MTMR2: variants seen among roughly 807,000 people sequenced by gnomAD.
The protein encoded by MTMR2 is myotubularin related protein 2.
Under a neutral mutation model 86.9 loss-of-function variants are expected in MTMR2, and 55 were observed. The observed-to-expected ratio is 0.63, with a 90% CI of 0.51 to 0.79. The LOEUF (loss-of-function observed/expected upper bound fraction) is 0.79, where lower values mean the gene tolerates loss of function less well. Among genes scored for constraint, MTMR2 ranks in the 30% least tolerant of loss-of-function variants. The pLI, the probability that MTMR2 is intolerant of heterozygous loss-of-function variation, is 0.00. For synonymous variants in MTMR2, 241 were observed against 266.8 expected (o/e 0.90, Z 0.94); for missense variants, 659 against 772.3 (o/e 0.85, Z 1.74).
chr11:95,836,433 G>A, intron 13 of MTMR2, 109 bp from the exon 14 acceptor site: 1 of 1,094,858 alleles, frequency 9.1e-7, no homozygotes, highest in Non-Finnish European at 1.4e-6. Context: ...TTTAGAGGAA[G>A]TGGACTTGGA....
At chr11:95,919,316 G>C (rs868543623) in intron 1 of MTMR2, among the ~76,000 whole-genome samples, 5 of 152,088 alleles carry the variant, frequency 3.3e-5, no homozygotes, top group Non-Finnish European at 5.9e-5. Context: ...TTTAAGGCAG[G>C]CATGCAATTT....
Position 95,841,637 on chromosome 11 carries a change from C to T in MTMR2, c.1459G>A (p.Val487Ile). 6.2e-7 allele frequency: 1 copy of T among 1,612,814 alleles called. No homozygotes were observed. The highest frequency in any genetic ancestry group is 8.5e-7 in the Non-Finnish European group (1 of 1,178,922). The part of the protein sequence containing the change: ...SPVFLQFIDC[V>I]WQMTRQFPTA... ...ATTACCTGTCTTGTCATCTGCCAGA[C>T]ACAGTCAATAAATTGAAGAAAAACA... Residue 487 changes from valine (V) to isoleucine (I), a missense_variant, in exon 12 of 15, where the codon GTC becomes ATC. Coordinates refer to ENST00000346299, the MANE Select transcript of MTMR2 (RefSeq NM_016156.6).
chr11:95,861,160 A>AG (rs1864405524), intron 5 of MTMR2, among the ~76,000 whole-genome samples: 2 of 151,648 alleles, frequency 1.3e-5, no homozygotes, highest in African/African-American at 4.8e-5. Flanking sequence ...AAAAAAAAAA[A>AG]AAAAGAAAAA....
chr11:95,848,305 C>A (rs1404377163), intron 9 of MTMR2, among the ~76,000 whole-genome samples: 1 of 152,152 alleles, frequency 6.6e-6, no homozygotes, highest in Non-Finnish European at 1.5e-5. Context: ...GTCTGGTTCA[C>A]CTATGCTTCT....
chr11:95,838,663 G>C, intron 12 of MTMR2, among the ~76,000 whole-genome samples: 1 of 151,950 alleles, frequency 6.6e-6, no homozygotes, highest in East Asian at 1.9e-4. Context: ...TAAATATTTA[G>C]ATGGTGCAAA....
At chr11:95,904,618 C>A (rs1227512713) in intron 1 of MTMR2, among the ~76,000 whole-genome samples, 1 of 152,184 alleles carries the variant, frequency 6.6e-6, no homozygotes, top group Non-Finnish European at 1.5e-5. Flanking sequence ...GTCCTTACTG[C>A]TACACTCCCT....
intron 2 of MTMR2, among the ~76,000 whole-genome samples, chr11:95,868,588 GA>G (rs941401658): frequency 1.5e-4 from 22 of 147,496 alleles, no homozygotes; most frequent in East Asian, 7.9e-4. Context: ...TTTTCTAAAG[GA>G]AAAAAAAAAT....
At chr11:95,914,101 G>T (rs1478145214) in intron 1 of MTMR2, 3 of 745,630 alleles carry the variant, frequency 4.0e-6, no homozygotes, top group Non-Finnish European at 3.3e-6. Flanking sequence ...TAAGGACAGG[G>T]ACTTGGAAAT....
At chr11:95,853,061 A>G (rs1864082378) in intron 7 of MTMR2, among the ~76,000 whole-genome samples, 1 of 146,896 alleles carries the variant, frequency 6.8e-6, no homozygotes, top group Non-Finnish European at 1.5e-5. Context: ...ATATATATAC[A>G]CAGTTCACTG....
At chr11:95,857,126 G>T (rs1418672581) in intron 7 of MTMR2, among the ~76,000 whole-genome samples, 4 of 151,866 alleles carry the variant, frequency 2.6e-5, no homozygotes, top group African/African-American at 9.7e-5. Context: ...CAATAAATTA[G>T]AAATGTTATA....
intron 2 of MTMR2, among the ~76,000 whole-genome samples, chr11:95,868,273 T>TAAAAAAAAAAAAAAAAA (rs555618890): frequency 7.1e-5 from 3 of 42,214 alleles, no homozygotes; most frequent in African/African-American, 1.9e-4. Context: ...GACCCTGTGC[T>TAAAAAAAAAAAAAAAAA]AAAAAAAAAA....
chr11:95,844,851 T>G (rs1418899744), intron 11 of MTMR2, 102 bp downstream of exon 11: 11 of 1,071,116 alleles, frequency 1.0e-5, no homozygotes, highest in Non-Finnish European at 1.1e-5. Flanking sequence ...ACTAGATAAA[T>G]GATCAATTTC....
chr11:95,844,306 A>T (rs180786718), intron 11 of MTMR2, among the ~76,000 whole-genome samples: 102 of 152,308 alleles, frequency 6.7e-4, no homozygotes, highest in Admixed American at 9.2e-4. Flanking sequence ...TAACAGTTCA[A>T]GTTCAAAAGA....
chr11:95,863,592 A>G lies in MTMR2; in HGVS notation c.263-1226T>C, dbSNP rs79365256. ...CCTTATGAATTTTTACCTCAACTAG[A>G]AAAGCTTTATTCAAGGTTACTAAAA... On this transcript the variant is annotated intron_variant, in intron 3 of 14. Coordinates refer to ENST00000346299, the MANE Select transcript of MTMR2 (RefSeq NM_016156.6). Among the ~76,000 whole-genome samples, 288 of 152,264 alleles carry G rather than the reference A, an allele frequency of 1.9e-3. 1 individual carries two copies. The highest frequency in any genetic ancestry group is 2.7e-3 in the Non-Finnish European group (186 of 68,012).
At chr11:95,859,389 A>G (rs1864323223) in intron 5 of MTMR2, among the ~76,000 whole-genome samples, 1 of 152,228 alleles carries the variant, frequency 6.6e-6, no homozygotes, top group African/African-American at 2.4e-5. Flanking sequence ...GTATCTTAAC[A>G]GCACTTAGAA....
At chr11:95,858,132 G>A (rs1864276672) in intron 6 of MTMR2, among the ~76,000 whole-genome samples, 1 of 152,138 alleles carries the variant, frequency 6.6e-6, no homozygotes, top group Non-Finnish European at 1.5e-5. Flanking sequence ...AAACGTGGGA[G>A]TCTAACACTG....
intron 11 of MTMR2, among the ~76,000 whole-genome samples, chr11:95,843,465 TAAC>T (rs1863637374): frequency 6.6e-6 from 1 of 152,186 alleles, no homozygotes; most frequent in South Asian, 2.1e-4. Context: ...GGATTCCATA[TAAC>T]AACTAACCTC....
At chr11:95,836,084 T>C in intron 14 of MTMR2, 64 bp downstream of exon 14, 1 of 1,464,686 alleles carries the variant, frequency 6.8e-7, no homozygotes, top group Non-Finnish European at 9.6e-7. Context: ...TTCCAGCTGC[T>C]TTTAAGGAGA....
At chr11:95,903,781 T>C (rs1246822858) in intron 1 of MTMR2, among the ~76,000 whole-genome samples, 1 of 152,160 alleles carries the variant, frequency 6.6e-6, no homozygotes, top group African/African-American at 2.4e-5. Flanking sequence ...TCTGCCTTGC[T>C]TTCTCTTACT....
Sources: gnomAD v4.1 joint callset for allele counts (sites outside exome capture counted in the v4.1 genomes callset) on GRCh38, gnomAD v4.1.1 for gene constraint, MANE v1.5 for transcripts, NCBI Gene and HGNC (gene_info 2026-07-23, HGNC 2026-07-21) for gene names.